Variants in PARD6G observed in about 807,000 individuals in gnomAD.
PARD6G encodes the protein par-6 family cell polarity regulator gamma.
A neutral mutation model predicts 10.7 loss-of-function variants in PARD6G; 7 were observed. The observed-to-expected ratio is 0.66, with a 90% CI of 0.37 to 1.23. The LOEUF is 1.23. Ranked by LOEUF, PARD6G falls within the 50% of genes most tolerant of loss-of-function variation. The pLI is 0.02. For missense variants in PARD6G, 548 were observed against 571.8 expected (o/e 0.96, Z 0.42); for synonymous variants, 287 against 269.4 (o/e 1.07, Z -0.64).
chr18:80,209,124 C>A lies in PARD6G; in HGVS notation c.73-6192G>T, dbSNP rs370064531. Among the ~76,000 whole-genome samples the A allele has an allele frequency of 6.2e-4, 90 of 144,024 alleles. 1 individual carries two copies. The highest frequency in any genetic ancestry group is 2.0e-3 in the Admixed American group (29 of 14,236). 94.5% of individuals were successfully genotyped at this position (144,024 alleles called of 152,430 possible). On this transcript the variant is annotated intron_variant, in intron 1 of 2. Transcript: ENST00000353265. ...CGAAAAAAGAAAACAAACAAACAAA[C>A]AAAAAAAAAAAACACACCTTTCCCT...
rs2052688614 is a variant in PARD6G at position 80,160,200 on chromosome 18, G to T, written c.702C>A (p.Asp234Glu). The T allele has an allele frequency of 6.2e-7, 1 of 1,613,246 alleles. No individual in the cohort carries two copies. The highest frequency in any genetic ancestry group is 8.5e-7 in the Non-Finnish European group (1 of 1,179,836). The change falls in exon 3 of 3, where the codon GAC becomes GAA. Residue 234 changes from aspartate to glutamate, a missense_variant. Physicochemically the swap from Asp to Glu is conservative, Grantham distance 45. Coordinates refer to ENST00000353265, the MANE Select transcript of PARD6G (RefSeq NM_032510.4). ...GGTTGTGGCTGTTGGCGATCATCAT[G>T]TCCGTGACCTGGTCCAGCGTCTTCC... ...VAGKTLDQVT[D>E]MMIANSHNLI...
rs1279354388 is a variant in PARD6G at position 80,247,125 on chromosome 18, G to A, written c.72+152C>T. On this transcript the variant is annotated intron_variant, in intron 1 of 2. Transcript: ENST00000353265. The surrounding 1 kb of genome is among the most constrained non-coding windows in gnomAD (Gnocchi z 4.2). ...GGGAAGGACGGCCGGGGTCCCCAGTGCGCGTCCCGCGGAGCGGCGCGCGGC... is the reference window on the plus strand; with the variant it reads ...GGGAAGGACGGCCGGGGTCCCCAGTACGCGTCCCGCGGAGCGGCGCGCGGC... 4 of 499,772 alleles carry A rather than the reference G, an allele frequency of 8.0e-6. No individual in the cohort carries two copies. The highest frequency in any genetic ancestry group is 1.3e-5 in the Non-Finnish European group (4 of 299,550). 31.0% of individuals were successfully genotyped at this position (499,772 alleles called of 1,614,324 possible). A position where few individuals can be genotyped will look rare whatever the true frequency, so the allele number is the denominator to read the frequency against.
At chr18:80,186,859 A>T (rs1008830729) in intron 2 of PARD6G, among the ~76,000 whole-genome samples, 4 of 152,184 alleles carry the variant, frequency 2.6e-5, no homozygotes, top group Non-Finnish European at 5.9e-5. Context: ...TCACGCCTGT[A>T]ATCCCAGCAC....
At chr18:80,194,334 G>A (rs903410393) in intron 2 of PARD6G, among the ~76,000 whole-genome samples, 1 of 152,156 alleles carries the variant, frequency 6.6e-6, no homozygotes, top group African/African-American at 2.4e-5. Context: ...TGCCAAATGG[G>A]CCCTAACTCA....
rs957294756 is a variant in PARD6G, at chr18:80,183,022, T to A, written c.295+19688A>T. ...GTGGAATGAGATGGCTGGGGTCTCA[T>A]GAGGGGCCAGCTGCGTGGGCCATCC... On this transcript the variant is annotated intron_variant, in intron 2 of 2. Coordinates refer to ENST00000353265, the MANE Select transcript of PARD6G (RefSeq NM_032510.4). This position sits in a 1 kb window ranked among gnomAD's most constrained non-coding sequence, Gnocchi z 4.5. The A allele has an allele frequency of 2.9e-6, 2 of 690,700 alleles. No homozygotes were observed. Among genetic ancestry groups the A allele is most frequent in the African/African-American group, 3.5e-5 (2 of 56,950 alleles). 42.8% of individuals were successfully genotyped at this position (690,700 alleles called of 1,614,324 possible).
chr18:80,220,296 G>A (rs1967215425), intron 1 of PARD6G, among the ~76,000 whole-genome samples: 1 of 152,070 alleles, frequency 6.6e-6, no homozygotes, highest in Non-Finnish European at 1.5e-5. Flanking sequence ...ACCTCCCACT[G>A]GGTCTCTCCC....
At chr18:80,209,737 G>A (rs1967088391) in intron 1 of PARD6G, among the ~76,000 whole-genome samples, 2 of 152,148 alleles carry the variant, frequency 1.3e-5, no homozygotes, top group South Asian at 4.1e-4. Context: ...GTTTGAACCT[G>A]GGATGTGGAG....
chr18:80,180,530 GCT>G lies in PARD6G; in HGVS notation c.296-19926_296-19925del, dbSNP rs895320886. On this transcript the variant is annotated intron_variant, in intron 2 of 2. Transcript: ENST00000353265. This position sits in a 1 kb window ranked among gnomAD's most constrained non-coding sequence, Gnocchi z 5.6. Reference sequence around the variant, plus strand: ...ACCCAGCCGGTGGTCAGGGGTCCTTGCTCTCTGCCGGGCACACTGCGGCCTCT... The same window carrying G: ...ACCCAGCCGGTGGTCAGGGGTCCTTGCTCTGCCGGGCACACTGCGGCCTCT... 6.6e-6 allele frequency among the ~76,000 whole-genome samples: 1 copy of G among 152,040 alleles called. No individual in the cohort carries two copies. The highest frequency in any genetic ancestry group is 1.5e-5 in the Non-Finnish European group (1 of 67,998).
rs887873627 is a variant in PARD6G at position 80,212,900 on chromosome 18, T to A, written c.73-9968A>T. Among the ~76,000 whole-genome samples the A allele has an allele frequency of 2.6e-5, 4 of 151,560 alleles. 1 individual carries two copies. Among genetic ancestry groups the A allele is most frequent in the Non-Finnish European group, 4.4e-5 (3 of 67,850 alleles). Reference sequence around the variant, plus strand: ...ACCCCATCTCAAAAAAAAAAAATTATCTTGTTTTTATCAATCTTTCTTAAA... The same window carrying A: ...ACCCCATCTCAAAAAAAAAAAATTAACTTGTTTTTATCAATCTTTCTTAAA... On this transcript the variant is annotated intron_variant, in intron 1 of 2. Coordinates refer to ENST00000353265, the MANE Select transcript of PARD6G (RefSeq NM_032510.4).
chr18:80,233,385 T>C (rs1463758425), intron 1 of PARD6G, among the ~76,000 whole-genome samples: 2 of 152,130 alleles, frequency 1.3e-5, no homozygotes, highest in Non-Finnish European at 2.9e-5. Flanking sequence ...CTCCCTCTCA[T>C]CCCTGCACCA....
At chr18:80,214,051 G>A (rs146205149) in intron 1 of PARD6G, among the ~76,000 whole-genome samples, 11 of 152,018 alleles carry the variant, frequency 7.2e-5, no homozygotes, top group African/African-American at 2.4e-4. Flanking sequence ...AGTAGAAACT[G>A]TCCATGAGGG....
chr18:80,198,974 A>G (rs908252783), intron 2 of PARD6G, among the ~76,000 whole-genome samples: 6 of 152,232 alleles, frequency 3.9e-5, no homozygotes, highest in Non-Finnish European at 8.8e-5. Flanking sequence ...CTCTAGTTCT[A>G]GAACATTTCT....
chr18:80,160,127 C>T lies in PARD6G; in HGVS notation c.775G>A (p.Gly259Ser), dbSNP rs2052687776. Residue 259 changes from glycine to serine, a missense_variant, in exon 3 of 3, where the codon GGC becomes AGC. Around this residue, in one of 2 missense-constraint regions of PARD6G, gnomAD observed 313 missense variants for 279.9 expected, o/e 1.12. Coordinates refer to ENST00000353265, the MANE Select transcript of PARD6G (RefSeq NM_032510.4). The part of the protein sequence containing the change: ...PANQRNNVVR[G>S]GRALGSSGPP... ...CCCGAGCTGCCCAACGCGCGGCCGCCGCGCACCACGTTGTTGCGCTGGTTG... is the reference window on the plus strand; with the variant it reads ...CCCGAGCTGCCCAACGCGCGGCCGCTGCGCACCACGTTGTTGCGCTGGTTG... 2.5e-6 allele frequency: 4 copies of T among 1,612,344 alleles called. No homozygotes were observed. The highest frequency in any genetic ancestry group is 1.3e-5 in the African/African-American group (1 of 74,912).
chr18:80,166,805 G>A, intron 2 of PARD6G, among the ~76,000 whole-genome samples: 1 of 151,674 alleles, frequency 6.6e-6, no homozygotes, highest in East Asian at 1.9e-4. Flanking sequence ...CCGACCATAA[G>A]GGGGCTGTTC....
chr18:80,171,899 A>G (rs1228132829), intron 2 of PARD6G, among the ~76,000 whole-genome samples: 1 of 152,210 alleles, frequency 6.6e-6, no homozygotes, highest in Non-Finnish European at 1.5e-5. Context: ...TGTTGTGAAC[A>G]CTTATGTACA....
chr18:80,187,856 G>A (rs2052888562), intron 2 of PARD6G: 1 of 152,202 alleles, frequency 6.6e-6, no homozygotes, highest in Non-Finnish European at 1.5e-5. Flanking sequence ...GGATGCCCAG[G>A]CTACGTGGAG....
chr18:80,232,942 G>A (rs1967377003), intron 1 of PARD6G, among the ~76,000 whole-genome samples: 1 of 152,188 alleles, frequency 6.6e-6, no homozygotes, highest in Non-Finnish European at 1.5e-5. Flanking sequence ...GGGCTCACAG[G>A]TAAACCCTCC....
intron 1 of PARD6G, among the ~76,000 whole-genome samples, chr18:80,237,996 G>A (rs1021291636): frequency 2.6e-5 from 4 of 151,942 alleles, no homozygotes; most frequent in Non-Finnish European, 4.4e-5. Flanking sequence ...CCCATTACTG[G>A]GTATATACCC....
intron 1 of PARD6G, among the ~76,000 whole-genome samples, chr18:80,205,326 A>G (rs1435091526): frequency 1.3e-5 from 2 of 152,236 alleles, no homozygotes; most frequent in South Asian, 2.1e-4. Flanking sequence ...TTTATGCGGT[A>G]TCTTTCAGAT....
Sources: gnomAD v4.1 joint callset for allele counts (sites outside exome capture counted in the v4.1 genomes callset) on GRCh38, gnomAD v4.1.1 for gene constraint, gnomAD v4.1.1 regional missense constraint, Gnocchi (gnomAD v3.1) non-coding constraint, MANE v1.5 for transcripts, NCBI Gene and HGNC (gene_info 2026-07-23, HGNC 2026-07-21) for gene names.